The following MARCHF1 variants were observed in gnomAD, a reference collection of about 807,000 sequenced individuals.
MARCHF1 encodes the protein membrane associated ring-CH-type finger 1.
MARCHF1 carries 40 observed loss-of-function variants against 54.2 expected under a neutral mutation model. The observed-to-expected ratio is 0.74, with a 90% confidence interval of 0.57 to 0.96. MARCHF1 has a LOEUF of 0.96. Ranked by LOEUF, MARCHF1 falls within the 40% of genes least tolerant of loss-of-function variation. The probability of loss-of-function intolerance (pLI) is 0.00; values close to 1 mark genes in which losing one functional copy is unlikely to be tolerated. For synonymous variants in MARCHF1, 236 were observed against 236.3 expected (o/e 1.00, Z 0.01); for missense variants, 586 against 656.5 (o/e 0.89, Z 1.17).
intron 5 of MARCHF1, among the ~76,000 whole-genome samples, chr4:163,675,422 C>T (rs972257640): frequency 1.2e-4 from 19 of 152,066 alleles, no homozygotes; most frequent in African/African-American, 3.1e-4. Context: ...ATCAGGGGAA[C>T]GTGGGGTAGC....
intron 1 of MARCHF1, among the ~76,000 whole-genome samples, chr4:164,254,105 T>G (rs916795248): frequency 6.6e-6 from 1 of 152,108 alleles, no homozygotes; most frequent in African/African-American, 2.4e-5. Context: ...AGTCTATATT[T>G]GTTATGAATT....
intron 9 of MARCHF1, among the ~76,000 whole-genome samples, chr4:163,545,104 G>A (rs763060656): frequency 3.9e-5 from 6 of 152,052 alleles, no homozygotes; most frequent in Admixed American, 1.3e-4. Context: ...ATCAAACTTC[G>A]CATGGCTAAA....
chr4:164,362,079 C>CA (rs1730736769), intron 1 of MARCHF1, among the ~76,000 whole-genome samples: 1 of 151,810 alleles, frequency 6.6e-6, no homozygotes, highest in Admixed American at 6.6e-5. Flanking sequence ...ATGGTTTTAT[C>CA]ACAAAAAATG....
chr4:164,177,938 C>T (rs898709400), intron 1 of MARCHF1, among the ~76,000 whole-genome samples: 1 of 152,086 alleles, frequency 6.6e-6, no homozygotes, highest in Admixed American at 6.6e-5. Context: ...CTGAGAGAGA[C>T]AGTAATTCCA....
chr4:164,313,931 C>T (rs989455279), intron 1 of MARCHF1, among the ~76,000 whole-genome samples: 1 of 152,150 alleles, frequency 6.6e-6, no homozygotes, highest in African/African-American at 2.4e-5. Flanking sequence ...TCATTATCTG[C>T]CTAAAAGAAA....
chr4:163,992,663 C>G (rs1258779403), intron 2 of MARCHF1, among the ~76,000 whole-genome samples: 2 of 150,902 alleles, frequency 1.3e-5, no homozygotes, highest in East Asian at 3.9e-4. Context: ...AGGATCACCA[C>G]TTGAAAGGAG....
At chr4:164,049,354 T>A (rs1400894045) in intron 2 of MARCHF1, among the ~76,000 whole-genome samples, 1 of 152,114 alleles carries the variant, frequency 6.6e-6, no homozygotes, top group East Asian at 1.9e-4. Flanking sequence ...CACATGGGGA[T>A]TACAATTCAA....
chr4:164,233,054 G>A (rs1478340752), intron 1 of MARCHF1, among the ~76,000 whole-genome samples: 1 of 152,096 alleles, frequency 6.6e-6, no homozygotes, highest in Non-Finnish European at 1.5e-5. Context: ...AGTAATTTCA[G>A]TGCCATACAA....
intron 1 of MARCHF1, among the ~76,000 whole-genome samples, chr4:164,379,297 A>G (rs1308713887): frequency 1.3e-5 from 2 of 152,146 alleles, no homozygotes; most frequent in African/African-American, 4.8e-5. Context: ...ACTGAAGAGA[A>G]GGTCAAAAGA....
At chr4:164,328,904 A>C (rs1024480505) in intron 1 of MARCHF1, among the ~76,000 whole-genome samples, 3 of 152,184 alleles carry the variant, frequency 2.0e-5, no homozygotes, top group Non-Finnish European at 4.4e-5. Flanking sequence ...GGCATACTAA[A>C]TTACAAAAGA....
chr4:163,636,141 C>A (rs960225320), intron 5 of MARCHF1, among the ~76,000 whole-genome samples: 3 of 152,132 alleles, frequency 2.0e-5, no homozygotes, highest in African/African-American at 7.2e-5. Flanking sequence ...CAATATCATA[C>A]TGAATGGGAA....
intron 4 of MARCHF1, among the ~76,000 whole-genome samples, chr4:163,737,321 G>A (rs1235906575): frequency 1.3e-5 from 1 of 77,780 alleles, no homozygotes; most frequent in Non-Finnish European, 3.3e-5. Flanking sequence ...ACCCACTAAC[G>A]TGTCATCTAG....
chr4:163,606,370 G>T lies in MARCHF1; in HGVS notation c.1010+5901C>A, dbSNP rs573418986. ...CCTGAATTGTTCTGAGTATTGTGGA[G>T]GGCACAAAACAGATGTAAGGCAGGA... On this transcript the variant is annotated intron_variant, in intron 7 of 9. Coordinates refer to ENST00000514618, the MANE Select transcript of MARCHF1 (RefSeq NM_001394959.1). Among the ~76,000 whole-genome samples, 124 of 152,144 alleles carry T rather than the reference G, an allele frequency of 8.2e-4. 4 individuals are homozygous for T. The South Asian group carries it at 0.025, about 31-fold the overall frequency.
chr4:164,181,468 T>A (rs1225632645), intron 1 of MARCHF1, among the ~76,000 whole-genome samples: 1 of 152,122 alleles, frequency 6.6e-6, no homozygotes, highest in Admixed American at 6.6e-5. Flanking sequence ...TACAACTAAT[T>A]TCACGCTAGG....
chr4:164,208,657 C>T (rs1249538073), intron 1 of MARCHF1, among the ~76,000 whole-genome samples: 1 of 152,182 alleles, frequency 6.6e-6, no homozygotes, highest in African/African-American at 2.4e-5. Flanking sequence ...AGTGCTATTT[C>T]AAGAGAAGAA....
At chr4:164,075,957 A>G (rs955457220) in intron 2 of MARCHF1, among the ~76,000 whole-genome samples, 1 of 152,152 alleles carries the variant, frequency 6.6e-6, no homozygotes, top group Admixed American at 6.6e-5. Context: ...ATAGATTTGT[A>G]CCCAAATTCA....
At chr4:164,160,252 G>T (rs1251984738) in intron 1 of MARCHF1, among the ~76,000 whole-genome samples, 1 of 152,044 alleles carries the variant, frequency 6.6e-6, no homozygotes, top group Admixed American at 6.6e-5. Context: ...CTGCACTTCT[G>T]CAAACCTAGG....
chr4:164,214,186 A>T (rs1165409856), intron 1 of MARCHF1, among the ~76,000 whole-genome samples: 1 of 152,172 alleles, frequency 6.6e-6, no homozygotes, highest in Non-Finnish European at 1.5e-5. Context: ...TGTATATTAA[A>T]AAAAGAATTG....
intron 1 of MARCHF1, among the ~76,000 whole-genome samples, chr4:164,376,376 G>C (rs1447946477): frequency 6.6e-6 from 1 of 152,010 alleles, no homozygotes; most frequent in African/African-American, 2.4e-5. Context: ...ATTTAGTCCT[G>C]CTTTTCTTTC....
Sources: allele counts gnomAD v4.1 joint callset (sites outside exome capture counted in the v4.1 genomes callset), GRCh38; gene constraint gnomAD v4.1.1; transcripts MANE v1.5; gene names NCBI Gene and HGNC (gene_info 2026-07-23, HGNC 2026-07-21).